The following DNASE1 variants were observed in gnomAD, a reference collection of about 807,000 sequenced individuals.
DNASE1 encodes deoxyribonuclease-1.
Under a neutral mutation model 33.9 loss-of-function variants are expected in DNASE1, and 40 were observed. That is an observed-to-expected ratio of 1.18 (90% CI 0.92 to 1.54). The LOEUF (loss-of-function observed/expected upper bound fraction) is 1.54, where lower values mean the gene tolerates loss of function less well. Among genes scored for constraint, DNASE1 ranks in the 40% most tolerant of loss-of-function variants. The pLI is 0.00. For missense variants in DNASE1, 518 were observed against 372.6 expected (o/e 1.39, Z -3.21); for synonymous variants, 216 against 160.0 (o/e 1.35, Z -2.64).
intron 1 of DNASE1, among the ~76,000 whole-genome samples, chr16:3,649,474 C>G (rs1044653754): frequency 1.3e-5 from 2 of 152,136 alleles, no homozygotes; most frequent in African/African-American, 2.4e-5. Context: ...TAATCTGTTG[C>G]AATTATTCTT....
downstream of DNASE1, chr16:3,660,934 A>C (rs2043038636): frequency 6.8e-6 from 1 of 147,768 alleles, no homozygotes; most frequent in Admixed American, 7.0e-5. Flanking sequence ...AAAAATTAAA[A>C]TACTACTTAG....
In DNASE1 at chr16:3,657,109, G is replaced by C. The variant is rs199540176; in HGVS notation, c.547G>C (p.Glu183Gln). The C allele has an allele frequency of 8.1e-6, 13 of 1,613,992 alleles. No homozygotes were observed. The highest frequency in any genetic ancestry group is 5.1e-6 in the Non-Finnish European group (6 of 1,180,026). Residue 183 changes from glutamate to glutamine, a missense_variant and splice_region_variant, in exon 6 of 9, where the codon GAG (glutamate) becomes CAG (glutamine). Glu to Gln is a conservative substitution (Grantham distance 29). Coordinates refer to ENST00000246949, the MANE Select transcript of DNASE1 (RefSeq NM_005223.4). Reference protein sequence around the residue: ...YLDVQEKWGLEDVMLMGDFNA... With the variant: ...YLDVQEKWGLQDVMLMGDFNA... ...GGATGTCCAAGAGAAATGGGGCTTGGAGGTGAGGCCCTCCCAGGGGCAGTG... is the reference window on the plus strand; with the variant it reads ...GGATGTCCAAGAGAAATGGGGCTTGCAGGTGAGGCCCTCCCAGGGGCAGTG...
At chr16:3,636,231 C>T (rs1236792283) in intron 1 of DNASE1, among the ~76,000 whole-genome samples, 1 of 144,392 alleles carries the variant, frequency 6.9e-6, no homozygotes, top group Non-Finnish European at 1.5e-5. Flanking sequence ...CCATCAAAGG[C>T]ATTCTTCACT....
intron 1 of DNASE1, among the ~76,000 whole-genome samples, chr16:3,643,542 G>A (rs942190639): frequency 6.6e-6 from 1 of 152,130 alleles, no homozygotes; most frequent in East Asian, 1.9e-4. Context: ...TGCCCACCAC[G>A]GAGCGGAGTG....
chr16:3,657,416 G>GAAGCCTCA, intron 7 of DNASE1, 75 bp downstream of exon 7: 3 of 1,575,190 alleles, frequency 1.9e-6, no homozygotes, highest in Non-Finnish European at 2.6e-6. Context: ...TCGGGCTTCA[G>GAAGCCTCA]AAGCCTCAAA....
At chr16:3,624,547 C>T (rs1403791955) in intron 1 of DNASE1, among the ~76,000 whole-genome samples, 1 of 152,236 alleles carries the variant, frequency 6.6e-6, no homozygotes, top group Non-Finnish European at 1.5e-5. Flanking sequence ...CTAGCAGCCA[C>T]TGTGTACTAT....
chr16:3,619,978 T>A (rs1352033101), intron 1 of DNASE1, among the ~76,000 whole-genome samples: 3 of 149,800 alleles, frequency 2.0e-5, no homozygotes, highest in Non-Finnish European at 4.4e-5. Context: ...TGCAGTGGCA[T>A]AATCTCGCCT....
At chr16:3,658,281 A>T (rs768906535), downstream of DNASE1, 211 of 1,216,718 alleles carry the variant, frequency 1.7e-4, no homozygotes, top group Admixed American at 4.6e-4. Context: ...GCACCTTTTC[A>T]TTTTTTTTTT....
intron 1 of DNASE1, among the ~76,000 whole-genome samples, chr16:3,614,064 C>T (rs1481360629): frequency 1.3e-5 from 2 of 151,920 alleles, no homozygotes; most frequent in Non-Finnish European, 2.9e-5. Flanking sequence ...AGGCGCCCGC[C>T]ACCACACCTG....
At position 3,637,793 on chromosome 16, in the gene DNASE1, C is replaced by T. The variant is rs547316164; in HGVS notation, c.-1358-2922C>T. Among the ~76,000 whole-genome samples the T allele has an allele frequency of 1.9e-3, 285 of 152,218 alleles. 2 individuals carry two copies. Among genetic ancestry groups the T allele is most frequent in the Non-Finnish European group, 3.4e-3 (234 of 68,006 alleles). ...CATGGAGGTAAAGTCCACATTGAGT[C>T]TCCAGCAGTTCATGAATTGCTGTGT... On this transcript the variant is annotated intron_variant and NMD_transcript_variant, in intron 1 of 11. Transcript: ENST00000570769.
chr16:3,653,377 T>C (rs2042404046), upstream of DNASE1: 1 of 152,118 alleles, frequency 6.6e-6, no homozygotes, highest in Non-Finnish European at 1.5e-5. Context: ...GTTTCACCAG[T>C]CTCAGGAAAT....
Position 3,657,444 on chromosome 16 carries a change from C to CAACTGAGCTTCAGTTGATCCACTA in DNASE1, c.704+104_704+127dup, listed in dbSNP as rs2042748794. The CAACTGAGCTTCAGTTGATCCACTA allele has an allele frequency of 6.1e-6, 9 of 1,464,336 alleles. No homozygotes were observed. In the Admixed American group the frequency reaches 1.4e-4, roughly 22 times the overall value. 90.7% of individuals were successfully genotyped at this position (1,464,336 alleles called of 1,614,324 possible). On this transcript the variant is annotated intron_variant, in intron 7 of 8. Transcript: ENST00000246949. The stretch of plus-strand genomic sequence containing the variant: ...GCCTCAAAGCCTTTGAACACTCACC[C>CAACTGAGCTTCAGTTGATCCACTA]AACTGAGCTTCAGTTGATCCACTAC...
chr16:3,649,377 C>A (rs2042265878), intron 1 of DNASE1, among the ~76,000 whole-genome samples: 1 of 152,214 alleles, frequency 6.6e-6, no homozygotes, highest in Non-Finnish European at 1.5e-5. Flanking sequence ...TGCAGAAGAA[C>A]AAGTTGAGTT....
chr16:3,646,416 G>T (rs1010420511), intron 1 of DNASE1, among the ~76,000 whole-genome samples: 1 of 152,096 alleles, frequency 6.6e-6, no homozygotes, highest in Non-Finnish European at 1.5e-5. Flanking sequence ...ATAAACGAGG[G>T]TAAACAGGTG....
At chr16:3,621,189 A>G (rs528649486) in intron 1 of DNASE1, among the ~76,000 whole-genome samples, 18 of 151,996 alleles carry the variant, frequency 1.2e-4, no homozygotes, top group Admixed American at 6.5e-4. Context: ...GGGCTCAGAC[A>G]ATCCTCCTGC....
At chr16:3,623,036 GC>G (rs1366146449) in intron 1 of DNASE1, among the ~76,000 whole-genome samples, 4 of 151,972 alleles carry the variant, frequency 2.6e-5, no homozygotes, top group East Asian at 3.8e-4. Flanking sequence ...TAATGTACCT[GC>G]CCCCCACGTC....
chr16:3,644,399 C>A, intron 1 of DNASE1, among the ~76,000 whole-genome samples: 1 of 152,122 alleles, frequency 6.6e-6, no homozygotes, highest in African/African-American at 2.4e-5. Context: ...CTTCTCTCTA[C>A]TAAAAATACA....
exon 10 of DNASE1, chr16:3,663,601 G>C: frequency 6.2e-7 from 1 of 1,610,294 alleles, no homozygotes; most frequent in Non-Finnish European, 8.5e-7. Flanking sequence ...GACCCCGGGG[G>C]CCTCCAGCCA....
chr16:3,648,422 C>T (rs572921236), intron 1 of DNASE1, among the ~76,000 whole-genome samples: 41 of 152,054 alleles, frequency 2.7e-4, no homozygotes, highest in Admixed American at 8.5e-4. Flanking sequence ...ATTAGCTGGG[C>T]GTGGTGGCGG....
Sources: gnomAD v4.1 joint callset for allele counts (sites outside exome capture counted in the v4.1 genomes callset) on GRCh38, gnomAD v4.1.1 for gene constraint, MANE v1.5 for transcripts, NCBI Gene and HGNC (gene_info 2026-07-23, HGNC 2026-07-21) for gene names.